P4HB: variants seen among roughly 807,000 people sequenced by gnomAD.
The protein encoded by P4HB is prolyl 4-hydroxylase subunit beta, also known as protein disulfide-isomerase.
A neutral mutation model predicts 52.6 loss-of-function variants in P4HB; 20 were observed. That is an observed-to-expected ratio of 0.38 (90% CI 0.27 to 0.55). The LOEUF is 0.55. P4HB is among the 20% of genes least tolerant of loss of function. The probability of loss-of-function intolerance (pLI) is 0.74; values close to 1 mark genes in which losing one functional copy is unlikely to be tolerated. For missense variants in P4HB, 601 were observed against 669.2 expected (o/e 0.90, Z 1.12); for synonymous variants, 296 against 277.9 (o/e 1.07, Z -0.65).
chr17:81,846,685 G>T lies in P4HB; in HGVS notation c.856-56C>A. On this transcript the variant is annotated intron_variant, in intron 6 of 10. Transcript: ENST00000331483. The surrounding 1 kb of genome is among the most constrained non-coding windows in gnomAD (Gnocchi z 5.7). ...GGGAGACGGCTGGCCTCTGCCTCCA[G>T]CCCTGACTTTGCTCGGAAGCAGACC... 6.5e-7 allele frequency: 1 copy of T among 1,541,664 alleles called. No homozygotes were observed.
chr17:81,845,657 G>A lies in P4HB; in HGVS notation c.1263C>T (p.Val421=), dbSNP rs760488394. The change falls in exon 9 of 11, where the codon GTC becomes GTT. Residue 421 remains valine (V), a synonymous_variant. Coordinates refer to ENST00000331483, the MANE Select transcript of P4HB (RefSeq NM_000918.4). ...TGGCAGTCGAGTCCATCTTGGCGAT[G>A]ACGATGTTCTCATGGTCCTTGTACG... ...GETYKDHENI[V]IAKMDSTANE... is the part of the protein sequence containing the mutation. 6.2e-6 allele frequency: 10 copies of A among 1,613,796 alleles called. No individual in the cohort carries two copies. The highest frequency in any genetic ancestry group is 1.3e-5 in the African/African-American group (1 of 74,948).
chr17:81,860,317 C>A lies in P4HB; in HGVS notation c.145+10G>T. 1 of 1,451,170 alleles carries A rather than the reference C, an allele frequency of 6.9e-7. No individual in the cohort carries two copies. Among genetic ancestry groups the A allele is most frequent in the Non-Finnish European group, 9.1e-7 (1 of 1,099,258 alleles). 89.9% of individuals were successfully genotyped at this position (1,451,170 alleles called of 1,614,324 possible). The stretch of plus-strand genomic sequence containing the variant: ...CCGAGCCCCGCCCGCCCGCCAGGCC[C>A]GGCGCTCACAGAACTCCACCAGCAG... On this transcript the variant is annotated intron_variant, in intron 1 of 10. Coordinates refer to ENST00000331483, the MANE Select transcript of P4HB (RefSeq NM_000918.4).
chr17:81,845,681 C>T lies in P4HB; in HGVS notation c.1239G>A (p.Thr413=), dbSNP rs200433403. ...LAPIWDKLGE[T]YKDHENIVIA... ...TGACGATGTTCTCATGGTCCTTGTA[C>T]GTCTCTCCCAGTTTATCCCAAATGG... The change falls in exon 9 of 11, where the codon ACG becomes ACA. Residue 413 remains threonine, a synonymous_variant. Coordinates refer to ENST00000331483, the MANE Select transcript of P4HB (RefSeq NM_000918.4). 21 of 1,613,908 alleles carry T rather than the reference C, an allele frequency of 1.3e-5. No homozygotes were observed. The African/African-American group carries it at 1.7e-4, about 13-fold the overall frequency.
At chr17:81,852,142 C>T (rs2038841993) in intron 4 of P4HB, among the ~76,000 whole-genome samples, 1 of 152,184 alleles carries the variant, frequency 6.6e-6, no homozygotes, top group African/African-American at 2.4e-5. Context: ...GTGATTGTGC[C>T]ACCGCACTCC....
At chr17:81,854,140 G>A (rs1039356998) in intron 4 of P4HB, among the ~76,000 whole-genome samples, 2 of 152,260 alleles carry the variant, frequency 1.3e-5, no homozygotes, top group African/African-American at 2.4e-5. Flanking sequence ...TGCCACCTGG[G>A]TGGGAACACG....
chr17:81,856,481 G>C (rs1181304583), intron 2 of P4HB, among the ~76,000 whole-genome samples: 2 of 151,400 alleles, frequency 1.3e-5, no homozygotes, highest in African/African-American at 4.9e-5. Flanking sequence ...AGGATTATAG[G>C]TGCCCGCCAC....
rs1047431557 is a variant in P4HB at position 81,860,501 on chromosome 17, G to T, written c.-30C>A. 2.4e-6 allele frequency: 3 copies of T among 1,244,730 alleles called. No individual in the cohort carries two copies. Among genetic ancestry groups the T allele is most frequent in the African/African-American group, 3.1e-5 (2 of 64,092 alleles). The allele number at this position is 1,244,730 out of a possible 1,614,324, so 77.1% of individuals were successfully genotyped here. ...GACACGGATCAGGCGGGGCGCTTCG[G>T]TTGGCGCCGCCGGGACAGCGGGGGC... is the stretch of plus-strand genomic sequence containing the variant. On this transcript the variant is annotated 5_prime_UTR_variant, in exon 1 of 11. Coordinates refer to ENST00000331483, the MANE Select transcript of P4HB (RefSeq NM_000918.4).
intron 4 of P4HB, among the ~76,000 whole-genome samples, chr17:81,849,237 G>C (rs1373558838): frequency 6.6e-6 from 1 of 152,110 alleles, no homozygotes; most frequent in Non-Finnish European, 1.5e-5. Context: ...GCTCACGCCT[G>C]TAATCCTAGT....
At chr17:81,852,501 C>T (rs2038847782) in intron 4 of P4HB, among the ~76,000 whole-genome samples, 1 of 152,258 alleles carries the variant, frequency 6.6e-6, no homozygotes, top group African/African-American at 2.4e-5. Flanking sequence ...ACTTCCAGGG[C>T]AGCCCCTACC....
chr17:81,850,402 C>T lies in P4HB; in HGVS notation c.625-3055G>A, dbSNP rs952419645. Among the ~76,000 whole-genome samples, 11 of 152,190 alleles carry T rather than the reference C, an allele frequency of 7.2e-5. No homozygotes were observed. The South Asian group carries it at 1.7e-3, about 23-fold the overall frequency. On this transcript the variant is annotated intron_variant, in intron 4 of 10. Transcript: ENST00000331483. ...CGGCCTGCTTCGGCCTCCCAAAGTG[C>T]TGGAATTACAGGTGTGAGCCACTGC...
intron 10 of P4HB, among the ~76,000 whole-genome samples, chr17:81,844,551 G>A (rs1402111823): frequency 6.6e-6 from 1 of 152,150 alleles, no homozygotes; most frequent in South Asian, 2.1e-4. Flanking sequence ...ACCAGGGGCC[G>A]GCCCTCCATC....
In P4HB at chr17:81,855,796, G is replaced by A. The variant is rs758984178; in HGVS notation, c.353-210C>T. 3.9e-5 allele frequency: 21 copies of A among 536,878 alleles called. No homozygotes were observed. The highest frequency in any genetic ancestry group is 6.5e-5 in the Non-Finnish European group (20 of 306,402). The allele number at this position is 536,878 out of a possible 1,614,324, so 33.3% of individuals were successfully genotyped here. ...GAGACTGTGGTTGTGTTTATGGGGAGTGGAGAGGGAAGAGGGTGATTCTGT... is the reference window on the plus strand; with the variant it reads ...GAGACTGTGGTTGTGTTTATGGGGAATGGAGAGGGAAGAGGGTGATTCTGT... On this transcript the variant is annotated intron_variant, in intron 2 of 10. Coordinates refer to ENST00000331483, the MANE Select transcript of P4HB (RefSeq NM_000918.4). The surrounding 1 kb of genome is among the most constrained non-coding windows in gnomAD (Gnocchi z 4.3).
In P4HB at chr17:81,855,198, T is replaced by A. The variant is rs202139152; in HGVS notation, c.568A>T (p.Ser190Cys). Residue 190 changes from serine to cysteine, a missense_variant, in exon 4 of 11, where the codon AGT becomes TGT. By Grantham distance (112) the Ser-to-Cys change is moderately radical (BLOSUM62 -1). Transcript: ENST00000331483. This position sits in a 1 kb window ranked among gnomAD's most constrained non-coding sequence, Gnocchi z 4.3. The stretch of plus-strand genomic sequence containing the variant: ...AGCTGGTATTTGGAGAACACGTCAC[T>A]GTTGGAAGTGATCCCAAATGGTATG... ...DDIPFGITSN[S>C]DVFSKYQLDK... is the part of the protein sequence containing the mutation. 6.8e-5 allele frequency: 109 copies of A among 1,613,912 alleles called. No homozygotes were observed. The highest frequency in any genetic ancestry group is 9.3e-5 in the African/African-American group (7 of 74,910).
chr17:81,853,740 G>A (rs759405550), intron 4 of P4HB, among the ~76,000 whole-genome samples: 1 of 152,020 alleles, frequency 6.6e-6, no homozygotes, highest in African/African-American at 2.4e-5. Context: ...CTGAAGGTCC[G>A]ATCGCCCCCG....
chr17:81,854,412 C>T (rs949160732), intron 4 of P4HB, among the ~76,000 whole-genome samples: 2 of 151,968 alleles, frequency 1.3e-5, no homozygotes, highest in African/African-American at 2.4e-5. Flanking sequence ...CGTGGTGGCA[C>T]GCGCCTGTAG....
intron 4 of P4HB, among the ~76,000 whole-genome samples, chr17:81,851,247 T>A (rs948983703): frequency 6.6e-6 from 1 of 152,212 alleles, no homozygotes. Context: ...ACTTCTTAAA[T>A]GAGACTTGGG....
chr17:81,852,773 G>A (rs963257467), intron 4 of P4HB, among the ~76,000 whole-genome samples: 8 of 152,222 alleles, frequency 5.3e-5, no homozygotes, highest in South Asian at 2.1e-4. Flanking sequence ...CCCAGCCTTC[G>A]CGGACACATA....
At chr17:81,844,443 C>A (rs529922325) in intron 10 of P4HB, among the ~76,000 whole-genome samples, 1 of 152,316 alleles carries the variant, frequency 6.6e-6, no homozygotes, top group African/African-American at 2.4e-5. Flanking sequence ...TCGGCAGGGA[C>A]AACAGCCCCA....
chr17:81,859,651 C>T, intron 1 of P4HB: 1 of 513,432 alleles, frequency 1.9e-6, no homozygotes. Context: ...GCCAGACAAA[C>T]CTTTCAATGG....
Sources: allele counts gnomAD v4.1 joint callset (sites outside exome capture counted in the v4.1 genomes callset), GRCh38; gene constraint gnomAD v4.1.1; non-coding constraint Gnocchi (gnomAD v3.1); transcripts MANE v1.5; gene names NCBI Gene and HGNC (gene_info 2026-07-23, HGNC 2026-07-21).